Variants in ELOVL2 observed in about 807,000 individuals in gnomAD.
ELOVL2 encodes ELOVL fatty acid elongase 2, also known as very long chain fatty acid elongase 2.
In ELOVL2, 38 loss-of-function variants were observed where a neutral mutation model predicts 37.7. The ratio of observed to expected loss-of-function variants is 1.01; its 90% CI spans 0.78 to 1.32. ELOVL2 has a LOEUF of 1.32. ELOVL2 is among the 40% of genes most tolerant of loss of function. ELOVL2 has a pLI of 0.00. For synonymous variants in ELOVL2, 115 were observed against 122.3 expected, an observed-to-expected ratio of 0.94 and a Z score of 0.40; for missense variants, 352 against 363.6, an observed-to-expected ratio of 0.97 and a Z score of 0.26.
At position 10,983,423 on chromosome 6, in the gene ELOVL2, A is replaced by G. The variant is rs1029858094; in HGVS notation, c.*358T>C. 1 of 165,826 alleles carries G rather than the reference A, an allele frequency of 6.0e-6. No individual in the cohort carries two copies. The highest frequency in any genetic ancestry group is 2.4e-5 in the African/African-American group (1 of 41,904). 10.3% of individuals were successfully genotyped at this position (165,826 alleles called of 1,614,324 possible). On this transcript the variant is annotated 3_prime_UTR_variant, in exon 8 of 8. Coordinates refer to ENST00000354666, the MANE Select transcript of ELOVL2 (RefSeq NM_017770.4). ...TGTTGTAAACATTTTAATCTGAACA[A>G]AACCCTTTTTATTTGGAGACTCTCT...
At position 10,989,090 on chromosome 6, in the gene ELOVL2, G is replaced by T. The variant is rs1347779821; in HGVS notation, c.765+613C>A. ...TTTTAACTTTCAGATGTCAGACTTT[G>T]GTAGCATGGTACAAATACATACTGC... is the stretch of plus-strand genomic sequence containing the variant. On this transcript the variant is annotated intron_variant, in intron 7 of 7. Transcript: ENST00000354666. Among the ~76,000 whole-genome samples the T allele has an allele frequency of 2.6e-5, 4 of 152,114 alleles. No individual in the cohort carries two copies. The East Asian group carries it at 7.7e-4, about 29-fold the overall frequency.
At position 11,044,078 on chromosome 6, in the gene ELOVL2, G is replaced by C. The variant is rs1783165231; in HGVS notation, c.3+150C>G. 3.9e-6 allele frequency: 4 copies of C among 1,031,520 alleles called. No homozygotes were observed. The highest frequency in any genetic ancestry group is 3.8e-6 in the Non-Finnish European group (3 of 796,646). 63.9% of individuals were successfully genotyped at this position (1,031,520 alleles called of 1,614,324 possible). On this transcript the variant is annotated intron_variant, in intron 1 of 7. Coordinates refer to ENST00000354666, the MANE Select transcript of ELOVL2 (RefSeq NM_017770.4). The surrounding 1 kb of genome is among the most constrained non-coding windows in gnomAD (Gnocchi z 5.6). Reference sequence around the variant, plus strand: ...CTCAGCTCCCGCTCCCCAGGCCCGCGCGGACCCGGCCCCTCCGAGGGTAGC... The same window carrying C: ...CTCAGCTCCCGCTCCCCAGGCCCGCCCGGACCCGGCCCCTCCGAGGGTAGC...
chr6:11,026,159 C>G (rs1782835758), intron 1 of ELOVL2, among the ~76,000 whole-genome samples: 1 of 152,194 alleles, frequency 6.6e-6, no homozygotes, highest in South Asian at 2.1e-4. Context: ...GTGGTTCTAA[C>G]TGTTCCTCAA....
At chr6:11,019,047 T>C (rs1782725852) in intron 1 of ELOVL2, among the ~76,000 whole-genome samples, 1 of 152,196 alleles carries the variant, frequency 6.6e-6, no homozygotes, top group Non-Finnish European at 1.5e-5. Flanking sequence ...TTGTGCCTTC[T>C]TGATCAGGAT....
chr6:11,010,632 A>G, intron 2 of ELOVL2, 114 bp downstream of exon 2: 1 of 860,006 alleles, frequency 1.2e-6, no homozygotes, highest in Non-Finnish European at 1.9e-6. Flanking sequence ...AAGTTTCTAA[A>G]TATTAAGTAC....
At chr6:11,021,911 C>G (rs772167083) in intron 1 of ELOVL2, among the ~76,000 whole-genome samples, 29 of 152,082 alleles carry the variant, frequency 1.9e-4, no homozygotes, top group Admixed American at 1.0e-3. Flanking sequence ...GGGAGCTCAT[C>G]CTAAGGAGGT....
rs1781949929 is a variant in ELOVL2 at position 10,982,291 on chromosome 6, G to A, written c.*1490C>T. ...AAAGTTTAAAACTAGAGCTCAGGGG[G>A]GAAAAAAAGCCGAGAGAGAAAGGCA... On this transcript the variant is annotated 3_prime_UTR_variant, in exon 8 of 8. Coordinates refer to ENST00000354666, the MANE Select transcript of ELOVL2 (RefSeq NM_017770.4). 1 of 151,966 alleles carries A rather than the reference G, an allele frequency of 6.6e-6. No individual in the cohort carries two copies. Among genetic ancestry groups the A allele is most frequent in the African/African-American group, 2.4e-5 (1 of 41,358 alleles). 9.4% of individuals were successfully genotyped at this position (151,966 alleles called of 1,614,324 possible).
intron 5 of ELOVL2, among the ~76,000 whole-genome samples, chr6:10,993,133 C>A (rs13195666): frequency 1.1e-4 from 16 of 152,274 alleles, no homozygotes; most frequent in East Asian, 9.6e-4. Context: ...GGTCAAAATT[C>A]TTTATTAAAC....
intron 1 of ELOVL2, among the ~76,000 whole-genome samples, chr6:11,018,324 T>C (rs1285693390): frequency 6.6e-6 from 1 of 152,198 alleles, no homozygotes. Flanking sequence ...TACTAAAAAA[T>C]GTGAAAAGGT....
chr6:10,997,997 C>G (rs555788335), intron 4 of ELOVL2, among the ~76,000 whole-genome samples: 1 of 152,098 alleles, frequency 6.6e-6, no homozygotes, highest in Admixed American at 6.5e-5. Context: ...GTTTGGGTCA[C>G]GGTGGCAGAT....
chr6:11,000,959 T>C (rs867699914), intron 3 of ELOVL2, among the ~76,000 whole-genome samples: 1 of 152,232 alleles, frequency 6.6e-6, no homozygotes, highest in Non-Finnish European at 1.5e-5. Flanking sequence ...TATTCTTTGT[T>C]GAAAATGCTA....
intron 1 of ELOVL2, among the ~76,000 whole-genome samples, chr6:11,026,234 G>A (rs547748173): frequency 6.6e-6 from 1 of 152,310 alleles, no homozygotes; most frequent in South Asian, 2.1e-4. Flanking sequence ...ATAAAAATAA[G>A]TGTGTATTGG....
At chr6:11,016,518 G>A (rs1240670113) in intron 1 of ELOVL2, among the ~76,000 whole-genome samples, 5 of 152,204 alleles carry the variant, frequency 3.3e-5, no homozygotes. Context: ...GATCTGATCA[G>A]CTTAGGAATG....
At chr6:11,029,177 AAGATCGCG>A (rs1782882119) in intron 1 of ELOVL2, among the ~76,000 whole-genome samples, 1 of 146,620 alleles carries the variant, frequency 6.8e-6, no homozygotes, top group Non-Finnish European at 1.5e-5. Flanking sequence ...GTAGGGAGAC[AAGATCGCG>A]CCACTGCACT....
At chr6:11,010,289 T>C (rs1782553251) in intron 2 of ELOVL2, among the ~76,000 whole-genome samples, 1 of 151,936 alleles carries the variant, frequency 6.6e-6, no homozygotes, top group Non-Finnish European at 1.5e-5. Flanking sequence ...CCCAAAGTGC[T>C]GGGATTACAG....
chr6:11,030,256 G>A (rs961444018), intron 1 of ELOVL2, among the ~76,000 whole-genome samples: 1 of 152,120 alleles, frequency 6.6e-6, no homozygotes, highest in Non-Finnish European at 1.5e-5. Flanking sequence ...AGTCAGCCAA[G>A]AAGGAAGGAT....
chr6:10,990,581 A>G, intron 5 of ELOVL2, 139 bp from the exon 6 acceptor site: 1 of 769,442 alleles, frequency 1.3e-6, no homozygotes, highest in South Asian at 3.0e-5. Flanking sequence ...AATCCACACT[A>G]ATAAATTCCC....
At chr6:10,996,365 A>AATC (rs1225365441) in intron 4 of ELOVL2, among the ~76,000 whole-genome samples, 2 of 152,188 alleles carry the variant, frequency 1.3e-5, no homozygotes, top group Non-Finnish European at 2.9e-5. Flanking sequence ...GGTGCAGAGA[A>AATC]ATCACTATAT....
intron 1 of ELOVL2, among the ~76,000 whole-genome samples, chr6:11,014,140 C>T (rs1391906436): frequency 2.0e-5 from 3 of 152,140 alleles, no homozygotes; most frequent in African/African-American, 7.2e-5. Flanking sequence ...TGATTACTTA[C>T]CACAGTTGGT....
Sources: allele counts gnomAD v4.1 joint callset (sites outside exome capture counted in the v4.1 genomes callset), GRCh38; gene constraint gnomAD v4.1.1; non-coding constraint Gnocchi (gnomAD v3.1); transcripts MANE v1.5; gene names NCBI Gene and HGNC (gene_info 2026-07-23, HGNC 2026-07-21).